Variants in TPRG1 observed in about 807,000 individuals in gnomAD.
The protein encoded by TPRG1 is tumor protein p63-regulated gene 1 protein.
Under a neutral mutation model 29.3 loss-of-function variants are expected in TPRG1, and 29 were observed. The observed-to-expected ratio is 0.99, with a 90% CI of 0.74 to 1.35. The LOEUF (loss-of-function observed/expected upper bound fraction) is 1.35, where lower values mean the gene tolerates loss of function less well. Ranked by LOEUF, TPRG1 falls within the 40% of genes most tolerant of loss-of-function variation. The pLI, the probability that TPRG1 is intolerant of heterozygous loss-of-function variation, is 0.00. For synonymous variants in TPRG1, 130 were observed against 116.8 expected, an observed-to-expected ratio of 1.11 and a Z score of -0.73; for missense variants, 327 against 335.0, an observed-to-expected ratio of 0.98 and a Z score of 0.19.
In TPRG1 at chr3:189,198,105, A is replaced by G. The variant is rs1030713422; in HGVS notation, c.-9-9271A>G. On this transcript the variant is annotated intron_variant, in intron 1 of 5. Coordinates refer to ENST00000345063, the MANE Select transcript of TPRG1 (RefSeq NM_198485.4). ...GTTAGTTTTCACCAACTGTAACCAG[A>G]TCTTCAAGGGATTGGGTTTGGGGGT... 4.6e-5 allele frequency among the ~76,000 whole-genome samples: 7 copies of G among 152,150 alleles called. No homozygotes were observed. The East Asian group carries it at 1.2e-3, about 25-fold the overall frequency.
At chr3:189,107,191 T>A (rs1298655301) in intron 1 of TPRG1, among the ~76,000 whole-genome samples, 1 of 152,064 alleles carries the variant, frequency 6.6e-6, no homozygotes, top group Non-Finnish European at 1.5e-5. Context: ...CTTCTTTTCT[T>A]TAGGTGACCT....
chr3:189,165,439 T>TTTTTTTTTTTTGAGACGGA (rs1326778682), intron 5 of TPRG1, among the ~76,000 whole-genome samples: 1 of 149,654 alleles, frequency 6.7e-6, no homozygotes, highest in Non-Finnish European at 1.5e-5. Flanking sequence ...CAAACTTTTA[T>TTTTTTTTTTTTGAGACGGA]GTGCATAACA....
intron 1 of TPRG1, among the ~76,000 whole-genome samples, chr3:189,103,435 G>T (rs1398421479): frequency 6.6e-6 from 1 of 152,158 alleles, no homozygotes; most frequent in East Asian, 1.9e-4. Context: ...TGCAGAGGAG[G>T]AGTGTCAAGG....
intron 4 of TPRG1, among the ~76,000 whole-genome samples, chr3:189,043,368 C>A (rs1022071785): frequency 1.3e-5 from 2 of 152,158 alleles, no homozygotes; most frequent in South Asian, 4.1e-4. Flanking sequence ...GCTTTCAACA[C>A]TTCCACTGAC....
intron 3 of TPRG1, among the ~76,000 whole-genome samples, chr3:189,136,617 G>A (rs560399890): frequency 5.3e-5 from 8 of 152,244 alleles, no homozygotes; most frequent in African/African-American, 1.7e-4. Context: ...TTAAGAATGC[G>A]GAAATTTCAG....
chr3:189,089,506 AT>A (rs1442669731), intron 4 of TPRG1, among the ~76,000 whole-genome samples: 2 of 152,196 alleles, frequency 1.3e-5, no homozygotes, highest in Non-Finnish European at 1.5e-5. Context: ...GAACTGGGTT[AT>A]TGATAAGAAA....
intron 1 of TPRG1, among the ~76,000 whole-genome samples, chr3:189,173,926 CTCTT>C (rs1729154640): frequency 6.6e-6 from 1 of 152,192 alleles, no homozygotes; most frequent in South Asian, 2.1e-4. Context: ...AGAAGCCTCT[CTCTT>C]TATTGACTTG....
At chr3:189,077,557 A>G (rs975854750) in intron 4 of TPRG1, among the ~76,000 whole-genome samples, 4 of 152,258 alleles carry the variant, frequency 2.6e-5, no homozygotes, top group African/African-American at 9.6e-5. Flanking sequence ...TGTTGCGGGA[A>G]TGATTATATA....
In TPRG1 at chr3:189,244,744, A is replaced by G. The variant is rs547298275; in HGVS notation, c.479+5835A>G. ...CTCCAACACTGGGGATTACAATTCA[A>G]GATGAGAATTGGTGGGGACACAGAT... On this transcript the variant is annotated intron_variant, in intron 4 of 5. Coordinates refer to ENST00000345063, the MANE Select transcript of TPRG1 (RefSeq NM_198485.4). Among the ~76,000 whole-genome samples the G allele has an allele frequency of 4.6e-5, 7 of 152,264 alleles. No individual in the cohort carries two copies. The East Asian group carries it at 1.4e-3, about 29-fold the overall frequency.
At chr3:189,019,499 T>C (rs1354421176) in intron 3 of TPRG1, among the ~76,000 whole-genome samples, 2 of 152,236 alleles carry the variant, frequency 1.3e-5, no homozygotes, top group African/African-American at 4.8e-5. Context: ...TCATATGGTT[T>C]TTGTCTTTGG....
At chr3:189,243,222 T>C (rs1413049290) in intron 4 of TPRG1, among the ~76,000 whole-genome samples, 1 of 152,106 alleles carries the variant, frequency 6.6e-6, no homozygotes, top group African/African-American at 2.4e-5. Context: ...TCTTGCATAG[T>C]GGGAGCAGGA....
intron 4 of TPRG1, among the ~76,000 whole-genome samples, chr3:189,059,998 C>T (rs1440142211): frequency 2.6e-5 from 4 of 152,112 alleles, no homozygotes; most frequent in African/African-American, 7.2e-5. Context: ...TTTGGGAGAC[C>T]GAAGTGGGTG....
chr3:189,130,929 A>G (rs1030279925), intron 2 of TPRG1, among the ~76,000 whole-genome samples: 1 of 152,142 alleles, frequency 6.6e-6, no homozygotes, highest in African/African-American at 2.4e-5. Flanking sequence ...TTTGCTAACA[A>G]TGGTGGATCT....
chr3:189,213,610 A>G (rs1735602551), intron 2 of TPRG1, among the ~76,000 whole-genome samples: 2 of 152,214 alleles, frequency 1.3e-5, no homozygotes, highest in African/African-American at 4.8e-5. Flanking sequence ...AAAGGTATAC[A>G]GCAAAACATC....
chr3:189,204,037 C>CAAAAA (rs35367828), intron 1 of TPRG1, among the ~76,000 whole-genome samples: 6 of 87,924 alleles, frequency 6.8e-5, no homozygotes, highest in East Asian at 3.7e-4. Context: ...GAGACTGTCT[C>CAAAAA]AAAAAAAAAA....
At chr3:189,193,615 C>CT (rs3065369) in intron 1 of TPRG1, among the ~76,000 whole-genome samples, 124 of 148,228 alleles carry the variant, frequency 8.4e-4, no homozygotes, top group African/African-American at 2.2e-3. Context: ...ATTCTTAGTT[C>CT]TTTTTTTTTT....
chr3:189,173,905 A>G (rs944278932), intron 1 of TPRG1, among the ~76,000 whole-genome samples: 5 of 152,094 alleles, frequency 3.3e-5, no homozygotes, highest in African/African-American at 1.2e-4. Context: ...TAGAGCAGGG[A>G]AATCTGTCAG....
At chr3:189,102,633 T>C (rs934116986) in intron 1 of TPRG1, among the ~76,000 whole-genome samples, 7 of 152,252 alleles carry the variant, frequency 4.6e-5, no homozygotes, top group Non-Finnish European at 1.0e-4. Context: ...GTTCCTACTT[T>C]TTATAGCTTT....
At chr3:189,005,359 G>A (rs533510179) in intron 3 of TPRG1, among the ~76,000 whole-genome samples, 12 of 152,182 alleles carry the variant, frequency 7.9e-5, no homozygotes, top group African/African-American at 2.9e-4. Flanking sequence ...ACAGATGAGA[G>A]GTGACTGGGG....
Sources: allele counts gnomAD v4.1 joint callset (sites outside exome capture counted in the v4.1 genomes callset), GRCh38; gene constraint gnomAD v4.1.1; transcripts MANE v1.5; gene names NCBI Gene and HGNC (gene_info 2026-07-23, HGNC 2026-07-21).